Variants in AK9 observed in about 807,000 individuals in gnomAD.
AK9 encodes the protein adenylate kinase 9.
Under a neutral mutation model 239.6 loss-of-function variants are expected in AK9, and 191 were observed. The ratio of observed to expected loss-of-function variants is 0.80; its 90% CI spans 0.71 to 0.90. The LOEUF is 0.90. Among genes scored for constraint, AK9 ranks in the 40% least tolerant of loss-of-function variants. The probability of loss-of-function intolerance (pLI) is 0.00; values close to 1 mark genes in which losing one functional copy is unlikely to be tolerated. For missense variants in AK9, 1,995 were observed against 2,214.7 expected (o/e 0.90, Z 1.99); for synonymous variants, 689 against 721.0 (o/e 0.96, Z 0.71).
chr6:109,579,686 C>T (rs975564786), intron 19 of AK9, 60 bp from the exon 20 acceptor site: 1 of 1,386,700 alleles, frequency 7.2e-7, no homozygotes, highest in African/African-American at 1.4e-5. Context: ...CACACTATTA[C>T]AGGATTAAAT....
chr6:109,595,545 T>C (rs1179047014), intron 17 of AK9, among the ~76,000 whole-genome samples: 1 of 152,150 alleles, frequency 6.6e-6, no homozygotes, highest in Admixed American at 6.6e-5. Context: ...TAAAGACATA[T>C]GCACATGTAT....
chr6:109,576,721 T>C (rs985321269), intron 20 of AK9, among the ~76,000 whole-genome samples: 5 of 152,106 alleles, frequency 3.3e-5, no homozygotes, highest in Non-Finnish European at 4.4e-5. Context: ...CAGTACAATG[T>C]TGAATAGCAG....
intron 10 of AK9, among the ~76,000 whole-genome samples, chr6:109,637,656 A>C (rs1246934581): frequency 2.0e-5 from 3 of 152,148 alleles, no homozygotes; most frequent in Admixed American, 2.0e-4. Context: ...GTAATGTTTA[A>C]AAAGCTTCCT....
At chr6:109,630,669 C>A (rs775596340) in intron 12 of AK9, among the ~76,000 whole-genome samples, 1 of 151,902 alleles carries the variant, frequency 6.6e-6, no homozygotes, top group Non-Finnish European at 1.5e-5. Flanking sequence ...CATAGCAAGA[C>A]CCCATCTCTA....
chr6:109,533,825 A>G (rs915809539), intron 27 of AK9, among the ~76,000 whole-genome samples: 1 of 152,196 alleles, frequency 6.6e-6, no homozygotes, highest in Admixed American at 6.5e-5. Context: ...CAATCAGTTT[A>G]CAGACAATTA....
At chr6:109,542,335 T>G (rs1182091320) in intron 26 of AK9, among the ~76,000 whole-genome samples, 164 bp from the exon 27 acceptor site, 1 of 152,114 alleles carries the variant, frequency 6.6e-6, no homozygotes, top group Non-Finnish European at 1.5e-5. Context: ...ATAGAGGACA[T>G]GAAGAGAGGC....
intron 29 of AK9, among the ~76,000 whole-genome samples, chr6:109,522,595 G>C (rs939648797): frequency 2.6e-5 from 4 of 151,724 alleles, no homozygotes; most frequent in Admixed American, 2.6e-4. Flanking sequence ...TCTTCTTCCT[G>C]TTTTATGGAT....
intron 25 of AK9, among the ~76,000 whole-genome samples, chr6:109,547,376 A>G (rs2128158400): frequency 6.6e-6 from 1 of 152,370 alleles, no homozygotes; most frequent in South Asian, 2.1e-4. Flanking sequence ...ACAGTAGTAA[A>G]GTAATTCAAG....
chr6:109,606,593 A>G (rs2128235616), intron 17 of AK9, among the ~76,000 whole-genome samples: 1 of 152,358 alleles, frequency 6.6e-6, no homozygotes, highest in East Asian at 1.9e-4. Flanking sequence ...TTGACACAAA[A>G]GGCCCATCTC....
intron 25 of AK9, among the ~76,000 whole-genome samples, chr6:109,548,551 T>G (rs1783906172): frequency 6.6e-6 from 1 of 152,168 alleles, no homozygotes; most frequent in African/African-American, 2.4e-5. Flanking sequence ...TAACAGACCA[T>G]CCACTTAAAT....
chr6:109,664,200 C>A (rs992780176), intron 5 of AK9, among the ~76,000 whole-genome samples: 1 of 152,022 alleles, frequency 6.6e-6, no homozygotes, highest in Admixed American at 6.6e-5. Flanking sequence ...ATACATATAG[C>A]CCATGTAAGC....
At chr6:109,516,714 T>C in intron 29 of AK9, 72 bp from the exon 30 acceptor site, 1 of 1,295,898 alleles carries the variant, frequency 7.7e-7, no homozygotes, top group Non-Finnish European at 1.1e-6. Context: ...ACAAATCATC[T>C]GGAATATTTT....
intron 9 of AK9, among the ~76,000 whole-genome samples, chr6:109,643,533 A>G (rs547521366): frequency 5.3e-5 from 8 of 152,214 alleles, no homozygotes; most frequent in Admixed American, 5.2e-4. Flanking sequence ...CCTACCACCA[A>G]TTTGATTCTC....
chr6:109,624,442 A>T (rs1795277660), intron 12 of AK9, among the ~76,000 whole-genome samples: 1 of 152,174 alleles, frequency 6.6e-6, no homozygotes, highest in Admixed American at 6.5e-5. Flanking sequence ...GTGTGACTGA[A>T]AATGCCCTCA....
At chr6:109,519,343 T>C (rs1460462930) in intron 29 of AK9, among the ~76,000 whole-genome samples, 1 of 152,172 alleles carries the variant, frequency 6.6e-6, no homozygotes, top group Non-Finnish European at 1.5e-5. Context: ...AGTAATGGGA[T>C]TGTTGGGTCG....
chr6:109,528,947 A>G (rs1780873031), intron 29 of AK9, 64 bp downstream of exon 29: 1 of 1,582,156 alleles, frequency 6.3e-7, no homozygotes, highest in Non-Finnish European at 8.6e-7. Context: ...TGATTGTGCC[A>G]CTGTACCCTG....
At chr6:109,516,958 CTTTATG>C (rs1384316854) in intron 29 of AK9, among the ~76,000 whole-genome samples, 1 of 151,828 alleles carries the variant, frequency 6.6e-6, no homozygotes, top group Non-Finnish European at 1.5e-5. Context: ...GAGGATGTGA[CTTTATG>C]TTTATAGTTG....
intron 25 of AK9, among the ~76,000 whole-genome samples, chr6:109,548,387 C>T (rs1292416165): frequency 6.6e-6 from 1 of 152,114 alleles, no homozygotes. Flanking sequence ...TAGGAATAAA[C>T]ATCAAATTTA....
In AK9 at chr6:109,494,496, C is replaced by T. The variant is rs1776836670; in HGVS notation, c.5419-401G>A. 1.9e-5 allele frequency: 3 copies of T among 157,622 alleles called. No individual in the cohort carries two copies. In the South Asian group the frequency reaches 5.6e-4, roughly 29 times the overall value. 9.8% of individuals were successfully genotyped at this position (157,622 alleles called of 1,614,324 possible). On this transcript the variant is annotated intron_variant, in intron 39 of 40. Coordinates refer to ENST00000424296, the MANE Select transcript of AK9 (RefSeq NM_001145128.3). ...CCAGACTGCCTCCCACTCTGAGGAC[C>T]CTTGGCTACCTGACACGTAATTCCA...
Sources: allele counts gnomAD v4.1 joint callset (sites outside exome capture counted in the v4.1 genomes callset), GRCh38; gene constraint gnomAD v4.1.1; transcripts MANE v1.5; gene names NCBI Gene and HGNC (gene_info 2026-07-23, HGNC 2026-07-21).